Variants in RNF180 observed in about 807,000 individuals in gnomAD.
RNF180 encodes the protein ring finger protein 180, also known as E3 ubiquitin-protein ligase RNF180.
A neutral mutation model predicts 59.2 loss-of-function variants in RNF180; 38 were observed. That is an observed-to-expected ratio of 0.64 (90% CI 0.50 to 0.84). The LOEUF is 0.84. Among genes scored for constraint, RNF180 ranks in the 40% least tolerant of loss-of-function variants. The probability of loss-of-function intolerance (pLI) is 0.00; values close to 1 mark genes in which losing one functional copy is unlikely to be tolerated. For missense variants in RNF180, 705 were observed against 700.9 expected, an observed-to-expected ratio of 1.01 and a Z score of -0.07; for synonymous variants, 262 against 240.3, an observed-to-expected ratio of 1.09 and a Z score of -0.84.
intron 5 of RNF180, among the ~76,000 whole-genome samples, chr5:64,311,345 C>T (rs886649725): frequency 5.3e-5 from 8 of 151,924 alleles, no homozygotes; most frequent in South Asian, 2.1e-4. Flanking sequence ...TTGGAATTTA[C>T]GTCACTAAGT....
At chr5:64,259,457 C>T (rs929792315) in intron 5 of RNF180, among the ~76,000 whole-genome samples, 3 of 152,128 alleles carry the variant, frequency 2.0e-5, no homozygotes, top group Admixed American at 2.0e-4. Flanking sequence ...CCTGGGAAAA[C>T]TAGTCAAGTA....
At chr5:64,242,919 T>C (rs1370191677) in intron 5 of RNF180, among the ~76,000 whole-genome samples, 4 of 151,878 alleles carry the variant, frequency 2.6e-5, no homozygotes, top group Non-Finnish European at 5.9e-5. Context: ...GGTTAGAGAG[T>C]GGGTGCAGCC....
chr5:64,225,981 C>T lies in RNF180; in HGVS notation c.1227+8585C>T, dbSNP rs562823980. 2.5e-3 allele frequency among the ~76,000 whole-genome samples: 332 copies of T among 133,322 alleles called. 2 individuals are homozygous for T. The highest frequency in any genetic ancestry group is 0.01 in the Middle Eastern group (2 of 196). The allele number at this position is 133,322 out of a possible 152,430, so 87.5% of individuals were successfully genotyped here. On this transcript the variant is annotated intron_variant, in intron 5 of 7. Coordinates refer to ENST00000389100, the MANE Select transcript of RNF180 (RefSeq NM_001113561.2). ...CTGGGAAGTGAGGAGCGCCTCTGCC[C>T]GGCCGCCCCTTCTGGGAAGTGAGGA...
At chr5:64,311,058 T>TA (rs964926700) in intron 5 of RNF180, among the ~76,000 whole-genome samples, 2 of 151,864 alleles carry the variant, frequency 1.3e-5, no homozygotes, top group African/African-American at 4.8e-5. Context: ...TGGTAGAAAT[T>TA]ACAGATTATT....
intron 7 of RNF180, 142 bp downstream of exon 7, chr5:64,330,548 T>G (rs1250001542): frequency 1.2e-6 from 1 of 813,556 alleles, no homozygotes. Flanking sequence ...TTGCTAAGTA[T>G]CTCCTTGCTG....
intron 1 of RNF180, among the ~76,000 whole-genome samples, chr5:64,169,848 G>A (rs548791257): frequency 1.3e-5 from 2 of 152,336 alleles, no homozygotes; most frequent in East Asian, 3.9e-4. Flanking sequence ...CTTCTATAGA[G>A]GCTATTTCGC....
chr5:64,183,113 C>T (rs886569700), intron 1 of RNF180, among the ~76,000 whole-genome samples: 2 of 152,186 alleles, frequency 1.3e-5, no homozygotes, highest in African/African-American at 4.8e-5. Flanking sequence ...ATGCATCTCA[C>T]TCTTCTCATC....
chr5:64,312,166 T>G (rs1199613520), intron 5 of RNF180, among the ~76,000 whole-genome samples: 2 of 152,092 alleles, frequency 1.3e-5, no homozygotes, highest in Non-Finnish European at 2.9e-5. Flanking sequence ...CTTCTGGATT[T>G]TTTCAGTGTC....
intron 5 of RNF180, among the ~76,000 whole-genome samples, chr5:64,286,832 T>C (rs1324706820): frequency 6.6e-6 from 1 of 152,180 alleles, no homozygotes; most frequent in African/African-American, 2.4e-5. Flanking sequence ...CAAGGAAAGT[T>C]ACAGAGGCTT....
intron 7 of RNF180, among the ~76,000 whole-genome samples, chr5:64,354,954 C>A (rs181167332): frequency 6.1e-4 from 93 of 151,992 alleles, no homozygotes; most frequent in Admixed American, 2.0e-3. Flanking sequence ...TGAAAACCTC[C>A]TAGCTAACAC....
intron 5 of RNF180, among the ~76,000 whole-genome samples, chr5:64,271,689 C>T (rs1440494291): frequency 6.6e-6 from 1 of 152,016 alleles, no homozygotes; most frequent in Non-Finnish European, 1.5e-5. Flanking sequence ...ATCTTAGTAA[C>T]ATGTTGCTGA....
chr5:64,325,817 A>G (rs1744611106), intron 6 of RNF180, among the ~76,000 whole-genome samples: 1 of 152,188 alleles, frequency 6.6e-6, no homozygotes, highest in Non-Finnish European at 1.5e-5. Flanking sequence ...CAATTACTAC[A>G]TCTTTCCCCC....
At chr5:64,342,149 T>TAA (rs1289372659) in intron 7 of RNF180, among the ~76,000 whole-genome samples, 1 of 152,160 alleles carries the variant, frequency 6.6e-6, no homozygotes, top group Non-Finnish European at 1.5e-5. Flanking sequence ...TAGGATATAG[T>TAA]AAGTGGTGGC....
chr5:64,215,689 T>C (rs1038786264), intron 4 of RNF180, among the ~76,000 whole-genome samples: 2 of 152,088 alleles, frequency 1.3e-5, no homozygotes, highest in Admixed American at 1.3e-4. Context: ...TCATTGAGAC[T>C]CGAGCTATAC....
intron 5 of RNF180, among the ~76,000 whole-genome samples, chr5:64,303,915 G>A (rs1002967780): frequency 6.6e-6 from 1 of 151,588 alleles, no homozygotes; most frequent in African/African-American, 2.4e-5. Flanking sequence ...TGACTTCAAA[G>A]GATAGGCTTA....
At chr5:64,182,971 C>T (rs555019882) in intron 1 of RNF180, among the ~76,000 whole-genome samples, 2 of 152,308 alleles carry the variant, frequency 1.3e-5, no homozygotes, top group South Asian at 2.1e-4. Flanking sequence ...CTAGTTGCTG[C>T]TTCCATTCCT....
intron 5 of RNF180, among the ~76,000 whole-genome samples, chr5:64,233,126 G>A (rs1450414865): frequency 6.6e-6 from 1 of 152,048 alleles, no homozygotes; most frequent in East Asian, 1.9e-4. Flanking sequence ...ACCCTTTCTG[G>A]GGCTTAGTTT....
chr5:64,192,650 C>A (rs575218688), intron 1 of RNF180, among the ~76,000 whole-genome samples: 5 of 151,774 alleles, frequency 3.3e-5, no homozygotes, highest in African/African-American at 7.3e-5. Flanking sequence ...CCAGCCTGGG[C>A]GACAGAGTGA....
chr5:64,358,763 G>T (rs1471693130), intron 7 of RNF180, among the ~76,000 whole-genome samples: 2 of 150,584 alleles, frequency 1.3e-5, no homozygotes, highest in African/African-American at 4.9e-5. Flanking sequence ...CTAGCATTAG[G>T]TATATCTCCC....
Sources: gnomAD v4.1 joint callset for allele counts (sites outside exome capture counted in the v4.1 genomes callset) on GRCh38, gnomAD v4.1.1 for gene constraint, MANE v1.5 for transcripts, NCBI Gene and HGNC (gene_info 2026-07-23, HGNC 2026-07-21) for gene names.